VPS8: variants seen among roughly 807,000 people sequenced by gnomAD.
The protein encoded by VPS8 is vacuolar protein sorting-associated protein 8 homolog.
A neutral mutation model predicts 216.4 loss-of-function variants in VPS8; 129 were observed. The observed-to-expected ratio is 0.60, with a 90% CI of 0.52 to 0.69. The LOEUF is 0.69. VPS8 is among the 30% of genes least tolerant of loss of function. The pLI, the probability that VPS8 is intolerant of heterozygous loss-of-function variation, is 0.00. For synonymous variants in VPS8, 571 were observed against 565.4 expected (o/e 1.01, Z -0.14); for missense variants, 1,531 against 1,683.5 (o/e 0.91, Z 1.59).
chr3:184,910,289 A>G (rs1223987048), intron 25 of VPS8, among the ~76,000 whole-genome samples: 1 of 151,822 alleles, frequency 6.6e-6, no homozygotes, highest in African/African-American at 2.4e-5. Context: ...TAAACTGTTT[A>G]TGTTTCTTAA....
chr3:184,916,825 G>A (rs1159428991), intron 28 of VPS8, among the ~76,000 whole-genome samples: 1 of 152,138 alleles, frequency 6.6e-6, no homozygotes, highest in Non-Finnish European at 1.5e-5. Flanking sequence ...ATTTCTTTAA[G>A]GGCTGTGGTA....
chr3:184,918,613 A>T (rs1163382596), intron 28 of VPS8, among the ~76,000 whole-genome samples: 2 of 152,244 alleles, frequency 1.3e-5, no homozygotes, highest in Non-Finnish European at 2.9e-5. Flanking sequence ...TCTGTTTCAA[A>T]GGAGTGACTA....
intron 25 of VPS8, among the ~76,000 whole-genome samples, chr3:184,910,057 G>C (rs567871374): frequency 9.2e-5 from 14 of 151,500 alleles, no homozygotes; most frequent in Non-Finnish European, 1.5e-4. Context: ...TGGGTCAGGG[G>C]TCAGACAGTG....
In VPS8 at chr3:184,855,776, C is replaced by T. The variant is rs748319511; in HGVS notation, c.1101C>T (p.Pro367=). 3.7e-6 allele frequency: 6 copies of T among 1,613,704 alleles called. No homozygotes were observed. The highest frequency in any genetic ancestry group is 3.3e-4 in the Middle Eastern group (2 of 6,062). Residue 367 remains proline (P), a synonymous_variant, in exon 14 of 48, where the codon CCC becomes CCT. Coordinates refer to ENST00000625842, the MANE Select transcript of VPS8 (RefSeq NM_001009921.3). ...TAGCAGTACAAAATTACGTGAATCC[C>T]ATGCTTGCCTTCTGCAGAGGAGATG... The part of the protein sequence containing the change: ...HFVAVQNYVN[P]MLAFCRGDVV...
At chr3:185,012,578 G>A (rs776541849) in intron 45 of VPS8, among the ~76,000 whole-genome samples, 6 of 151,232 alleles carry the variant, frequency 4.0e-5, no homozygotes, top group African/African-American at 7.3e-5. Flanking sequence ...CATAATAGTC[G>A]TAGTCAAACT....
chr3:185,016,644 C>T (rs547727087), intron 45 of VPS8, among the ~76,000 whole-genome samples: 3 of 152,216 alleles, frequency 2.0e-5, no homozygotes, highest in East Asian at 1.9e-4. Context: ...AGAATCATAG[C>T]GGGAGAAGGC....
chr3:184,839,549 G>A (rs1010029976), intron 6 of VPS8, 149 bp from the exon 7 acceptor site: 24 of 689,946 alleles, frequency 3.5e-5, no homozygotes, highest in African/African-American at 1.7e-4. Flanking sequence ...TTCATTTCCC[G>A]TTTTGCCTCC....
chr3:184,971,776 T>C (rs747958708), intron 40 of VPS8, 24 bp downstream of exon 40: 1 of 1,599,686 alleles, frequency 6.3e-7, no homozygotes, highest in Non-Finnish European at 8.5e-7. Flanking sequence ...TGTTTAGGTA[T>C]TTAAAAGCCT....
intron 25 of VPS8, among the ~76,000 whole-genome samples, chr3:184,910,479 A>G (rs1736300536): frequency 6.6e-6 from 1 of 152,156 alleles, no homozygotes; most frequent in African/African-American, 2.4e-5. Context: ...ACCAGAGCCC[A>G]CGTGTTTCTC....
chr3:184,961,178 A>C (rs1746440524), intron 37 of VPS8, among the ~76,000 whole-genome samples: 1 of 152,164 alleles, frequency 6.6e-6, no homozygotes, highest in Non-Finnish European at 1.5e-5. Flanking sequence ...CATTGCCTTC[A>C]TTCTCTTCCC....
intron 45 of VPS8, 73 bp from the exon 46 acceptor site, chr3:185,024,263 T>G: frequency 7.6e-7 from 1 of 1,320,468 alleles, no homozygotes; most frequent in Non-Finnish European, 1.1e-6. Flanking sequence ...CTAGTTGAAT[T>G]ATTTTGAATG....
chr3:185,002,049 G>A (rs989509680), intron 45 of VPS8, among the ~76,000 whole-genome samples: 2 of 152,144 alleles, frequency 1.3e-5, no homozygotes, highest in Admixed American at 6.5e-5. Flanking sequence ...GAGTTTAAGT[G>A]CAACAAACCC....
At position 184,849,989 on chromosome 3, in the gene VPS8, T is replaced by G; in HGVS notation, c.720T>G (p.Ala240=). The G allele has an allele frequency of 6.2e-7, 1 of 1,613,420 alleles. No homozygotes were observed. Among genetic ancestry groups the G allele is most frequent in the Non-Finnish European group, 8.5e-7 (1 of 1,179,658 alleles). ...SGKLLRSITD[A]HPPGTAILHI... ...AACTTCTAAGATCAATAACAGATGC[T>G]CATCCTCCAGGAACAGCAATATTGC... The change falls in exon 10 of 48, where the codon GCT becomes GCG. Residue 240 remains alanine, a synonymous_variant. Transcript: ENST00000625842.
chr3:184,941,453 A>G (rs1004030507), intron 36 of VPS8, among the ~76,000 whole-genome samples: 2 of 140,094 alleles, frequency 1.4e-5, no homozygotes, highest in Non-Finnish European at 3.0e-5. Flanking sequence ...CCTATTAATC[A>G]TGTGTATTTC....
At chr3:184,908,408 C>T (rs1413611277) in intron 25 of VPS8, among the ~76,000 whole-genome samples, 3 of 152,346 alleles carry the variant, frequency 2.0e-5, no homozygotes, top group East Asian at 3.9e-4. Flanking sequence ...CGGCTGGCCA[C>T]TCCAAGTGCT....
intron 21 of VPS8, among the ~76,000 whole-genome samples, chr3:184,873,692 A>T (rs1325950206): frequency 6.6e-6 from 1 of 152,170 alleles, no homozygotes; most frequent in African/African-American, 2.4e-5. Flanking sequence ...ACCACAGAGA[A>T]TGGTTTTAAA....
At chr3:184,953,252 A>C (rs1745023312) in intron 36 of VPS8, among the ~76,000 whole-genome samples, 1 of 152,232 alleles carries the variant, frequency 6.6e-6, no homozygotes, top group Admixed American at 6.5e-5. Context: ...GCTTACAGGA[A>C]GAGTTTTTAA....
chr3:184,873,088 T>C (rs538868890), intron 21 of VPS8, among the ~76,000 whole-genome samples: 20 of 152,276 alleles, frequency 1.3e-4, no homozygotes, highest in Middle Eastern at 3.4e-3. Context: ...GCACATACGA[T>C]GTGCCAGATA....
intron 21 of VPS8, among the ~76,000 whole-genome samples, chr3:184,881,687 A>T (rs1730294505): frequency 6.6e-6 from 1 of 152,044 alleles, no homozygotes; most frequent in Non-Finnish European, 1.5e-5. Flanking sequence ...ATCTTGTGGG[A>T]ATTTTGATAT....
Sources: allele counts gnomAD v4.1 joint callset (sites outside exome capture counted in the v4.1 genomes callset), GRCh38; gene constraint gnomAD v4.1.1; transcripts MANE v1.5; gene names NCBI Gene and HGNC (gene_info 2026-07-23, HGNC 2026-07-21).